SLC43A2: variants seen among roughly 807,000 people sequenced by gnomAD.
SLC43A2 encodes solute carrier family 43 member 2.
A neutral mutation model predicts 63.2 loss-of-function variants in SLC43A2; 38 were observed. The observed-to-expected ratio is 0.60, with a 90% CI of 0.46 to 0.79. The LOEUF is 0.79. Ranked by LOEUF, SLC43A2 falls within the 30% of genes least tolerant of loss-of-function variation. The pLI, the probability that SLC43A2 is intolerant of heterozygous loss-of-function variation, is 0.00. For missense variants in SLC43A2, 644 were observed against 756.2 expected, an observed-to-expected ratio of 0.85 and a Z score of 1.74; for synonymous variants, 322 against 331.0, an observed-to-expected ratio of 0.97 and a Z score of 0.30.
rs144419603 is a variant in SLC43A2, at chr17:1,596,049, G to A, written c.502-2770C>T. On this transcript the variant is annotated intron_variant, in intron 5 of 13. Transcript: ENST00000301335. ...AGAAAGTGAAAAGAGAGCCGGGCGCGGTGGCTCACACCTGTCATCCCCGCA... is the reference window on the plus strand; with the variant it reads ...AGAAAGTGAAAAGAGAGCCGGGCGCAGTGGCTCACACCTGTCATCCCCGCA... 4.5e-3 allele frequency among the ~76,000 whole-genome samples: 692 copies of A among 152,282 alleles called. 5 individuals are homozygous for A. The highest frequency in any genetic ancestry group is 0.016 in the African/African-American group (677 of 41,558).
At chr17:1,582,239 C>T (rs2076030563) in intron 11 of SLC43A2, among the ~76,000 whole-genome samples, 1 of 152,186 alleles carries the variant, frequency 6.6e-6, no homozygotes, top group Middle Eastern at 3.4e-3. Flanking sequence ...GCCACCATGC[C>T]CAGCTAACTT....
At chr17:1,626,253 A>T (rs1908656490) in intron 2 of SLC43A2, among the ~76,000 whole-genome samples, 1 of 150,640 alleles carries the variant, frequency 6.6e-6, no homozygotes. Flanking sequence ...ACGATCTCTA[A>T]GGGGGGAGAG....
At position 1,599,055 on chromosome 17, in the gene SLC43A2, C is replaced by T. The variant is rs549074652; in HGVS notation, c.502-5776G>A. ...TTTAATTATGATCTTTTCCTTAGAA[C>T]GGCAATGCCTGGGCTGGGCGCGGTG... On this transcript the variant is annotated intron_variant, in intron 5 of 13. Transcript: ENST00000301335. Among the ~76,000 whole-genome samples the T allele has an allele frequency of 4.3e-4, 66 of 152,294 alleles. No homozygotes were observed. In the South Asian group the frequency reaches 0.011, roughly 26 times the overall value.
At chr17:1,603,973 A>G (rs898622648) in intron 5 of SLC43A2, among the ~76,000 whole-genome samples, 13 of 152,216 alleles carry the variant, frequency 8.5e-5, no homozygotes, top group African/African-American at 3.1e-4. Flanking sequence ...TTTGGATCCC[A>G]CGGCTTTTAC....
At chr17:1,576,823 G>A in intron 12 of SLC43A2, 103 bp from the exon 13 acceptor site, 2 of 1,435,202 alleles carry the variant, frequency 1.4e-6, no homozygotes, top group Admixed American at 2.5e-5. Flanking sequence ...AGAGAAGGGT[G>A]GGGTGCCAGC....
In SLC43A2 at chr17:1,590,155, C is replaced by T. The variant is rs551920090; in HGVS notation, c.1078+647G>A. ...CCCGCCTGGGGATGACTAAGGCTGA[C>T]TCAGCTCAGGCCCCGGGGAAGTCCT... On this transcript the variant is annotated intron_variant, in intron 9 of 13. Transcript: ENST00000301335. 3.3e-5 allele frequency among the ~76,000 whole-genome samples: 5 copies of T among 152,322 alleles called. No homozygotes were observed. The East Asian group carries it at 9.6e-4, about 29-fold the overall frequency.
intron 2 of SLC43A2, among the ~76,000 whole-genome samples, chr17:1,622,487 C>T (rs556075399): frequency 6.6e-6 from 1 of 151,948 alleles, no homozygotes; most frequent in South Asian, 2.1e-4. Flanking sequence ...ATGGCGTGAA[C>T]CCGGGAGGCG....
chr17:1,590,865 T>A lies in SLC43A2; in HGVS notation c.1015A>T (p.Ile339Phe). 6.4e-7 allele frequency: 1 copy of A among 1,554,844 alleles called. No individual in the cohort carries two copies. Among genetic ancestry groups the A allele is most frequent in the Non-Finnish European group, 8.7e-7 (1 of 1,148,396 alleles). Residue 339 changes from isoleucine (I) to phenylalanine (F), a missense_variant, in exon 9 of 14, where the codon ATC (isoleucine) becomes TTC (phenylalanine). Physicochemically the swap from Ile to Phe is conservative, Grantham distance 21 (BLOSUM62 0). Coordinates refer to ENST00000301335, the MANE Select transcript of SLC43A2 (RefSeq NM_152346.3). Reference protein sequence around the residue: ...VTMCVTQLRLIFYMGAMNNIL... With the variant: ...VTMCVTQLRLFFYMGAMNNIL... ...TTGTTCATAGCCCCCATGTAGAAGA[T>A]GAGCCGCAGCTGCGTGACGCACATG...
intron 13 of SLC43A2, 126 bp downstream of exon 13, chr17:1,576,469 CTT>C: frequency 1.9e-6 from 2 of 1,074,108 alleles, no homozygotes; most frequent in South Asian, 1.7e-5. Context: ...CAAAGGGACT[CTT>C]AACCAATCCT....
At chr17:1,576,528 G>C (rs1356131996) in intron 13 of SLC43A2, 69 bp downstream of exon 13, 2 of 1,527,906 alleles carry the variant, frequency 1.3e-6, no homozygotes, top group African/African-American at 1.4e-5. Flanking sequence ...CCCCGAGGGG[G>C]ACCTTGCAGC....
At position 1,576,733 on chromosome 17, in the gene SLC43A2, C is replaced by T. The variant is rs184077509; in HGVS notation, c.1425-13G>A. The T allele has an allele frequency of 5.7e-3, 9,238 of 1,607,090 alleles. 48 individuals are homozygous for T. The highest frequency in any genetic ancestry group is 0.012 in the South Asian group (1,056 of 90,932). On this transcript the variant is annotated splice_polypyrimidine_tract_variant and intron_variant, in intron 12 of 13. Coordinates refer to ENST00000301335, the MANE Select transcript of SLC43A2 (RefSeq NM_152346.3). ...GGTGGAGGGGTACCTGCAGGGCAAG[C>T]GACAGCTCACAGCCATCCTGCCTCC... is the stretch of plus-strand genomic sequence containing the variant.
rs1189925280 is a variant in SLC43A2, at chr17:1,570,519, CT to C, written c.*5084del. 6.8e-6 allele frequency: 1 copy of C among 147,708 alleles called. No individual in the cohort carries two copies. Among genetic ancestry groups the C allele is most frequent in the Non-Finnish European group, 1.5e-5 (1 of 67,172 alleles). The allele number at this position is 147,708 out of a possible 1,614,324, so 9.1% of individuals were successfully genotyped here. On this transcript the variant is annotated 3_prime_UTR_variant, in exon 14 of 14. Transcript: ENST00000301335. ...TTTTTTTTTTTGAGACGGAGTCTCG[CT>C]CTGTCGCCCAGGCTGGAGTGCAGTG...
chr17:1,619,119 A>G (rs759618162), intron 2 of SLC43A2, among the ~76,000 whole-genome samples: 3 of 152,162 alleles, frequency 2.0e-5, no homozygotes, highest in Non-Finnish European at 2.9e-5. Flanking sequence ...AGCCTGGCCA[A>G]TATGGTGAAA....
intron 3 of SLC43A2, among the ~76,000 whole-genome samples, chr17:1,615,261 C>A (rs1907488870): frequency 6.6e-6 from 1 of 151,788 alleles, no homozygotes; most frequent in Non-Finnish European, 1.5e-5. Context: ...AGGCGCCCAC[C>A]ACCACGCGTG....
chr17:1,622,322 G>A (rs1434440871), intron 2 of SLC43A2, among the ~76,000 whole-genome samples: 1 of 152,140 alleles, frequency 6.6e-6, no homozygotes, highest in African/African-American at 2.4e-5. Context: ...CCAGCATTGT[G>A]GGAGGCCGAG....
rs1211253263 is a variant in SLC43A2, at chr17:1,600,149, TA to T, written c.502-6871del. Among the ~76,000 whole-genome samples the T allele has an allele frequency of 1.2e-3, 113 of 90,800 alleles. 3 individuals carry two copies. The highest frequency in any genetic ancestry group is 1.8e-3 in the Non-Finnish European group (86 of 47,086). The allele number at this position is 90,800 out of a possible 152,430, so 59.6% of individuals were successfully genotyped here. On this transcript the variant is annotated intron_variant, in intron 5 of 13. Transcript: ENST00000301335. ...TATATTAATTGAATATATATATATA[TA>T]TATTTTTTTTTTTTTTTTGAGACGG... is the stretch of plus-strand genomic sequence containing the variant.
At position 1,605,300 on chromosome 17, in the gene SLC43A2, A is replaced by T; in HGVS notation, c.501+7895T>A. 1 of 941,750 alleles carries T rather than the reference A, an allele frequency of 1.1e-6. No individual in the cohort carries two copies. Among genetic ancestry groups the T allele is most frequent in the East Asian group, 1.0e-4 (1 of 9,650 alleles). 58.3% of individuals were successfully genotyped at this position (941,750 alleles called of 1,614,324 possible). On this transcript the variant is annotated intron_variant, in intron 5 of 13. Transcript: ENST00000301335. The surrounding 1 kb of genome is among the most constrained non-coding windows in gnomAD (Gnocchi z 4.9). ...ACTGTGTGACCTTCCCAGAGGGGAA[A>T]ACAGCAGCTGCAGGCGGCCCCTCCC... is the stretch of plus-strand genomic sequence containing the variant.
chr17:1,601,470 T>A (rs4423477), intron 5 of SLC43A2, among the ~76,000 whole-genome samples: 1 of 152,020 alleles, frequency 6.6e-6, no homozygotes, highest in Non-Finnish European at 1.5e-5. Context: ...ACAACCCCGC[T>A]GGAAACAACC....
At chr17:1,621,760 G>T (rs1451106429) in intron 2 of SLC43A2, among the ~76,000 whole-genome samples, 1 of 152,236 alleles carries the variant, frequency 6.6e-6, no homozygotes, top group Admixed American at 6.5e-5. Flanking sequence ...GGTCTCATGG[G>T]GGTCCCTGGG....
Sources: gnomAD v4.1 joint callset for allele counts (sites outside exome capture counted in the v4.1 genomes callset) on GRCh38, gnomAD v4.1.1 for gene constraint, Gnocchi (gnomAD v3.1) non-coding constraint, MANE v1.5 for transcripts, NCBI Gene and HGNC (gene_info 2026-07-23, HGNC 2026-07-21) for gene names.